Variants in PRDM2 observed in about 807,000 individuals in gnomAD.
PRDM2 encodes PR/SET domain 2.
A neutral mutation model predicts 130.0 loss-of-function variants in PRDM2; 30 were observed. The observed-to-expected ratio is 0.23, with a 90% CI of 0.17 to 0.31. PRDM2 has a LOEUF of 0.31. PRDM2 is among the 10% of genes least tolerant of loss of function. The pLI is 1.00. For missense variants in PRDM2, 2,011 were observed against 2,108.4 expected, an observed-to-expected ratio of 0.95 and a Z score of 0.90; for synonymous variants, 871 against 782.4, an observed-to-expected ratio of 1.11 and a Z score of -1.89.
intron 9 of PRDM2, among the ~76,000 whole-genome samples, chr1:13,817,665 T>G (rs1449712908): frequency 6.6e-6 from 1 of 151,610 alleles, no homozygotes; most frequent in Non-Finnish European, 1.5e-5. Flanking sequence ...CAAATCCCAT[T>G]TACTGGACTA....
intron 1 of PRDM2, among the ~76,000 whole-genome samples, chr1:13,706,805 T>C (rs747861695): frequency 6.6e-6 from 1 of 152,164 alleles, no homozygotes; most frequent in African/African-American, 2.4e-5. Flanking sequence ...AAAGCTTGCA[T>C]GTATGTAGTT....
chr1:13,750,986 A>G (rs1342595324), intron 6 of PRDM2, among the ~76,000 whole-genome samples: 1 of 152,234 alleles, frequency 6.6e-6, no homozygotes, highest in Admixed American at 6.5e-5. Context: ...TTACTGTGCC[A>G]CTAATCATAA....
At chr1:13,810,727 C>T (rs1291969881) in intron 8 of PRDM2, among the ~76,000 whole-genome samples, 1 of 151,968 alleles carries the variant, frequency 6.6e-6, no homozygotes, top group Non-Finnish European at 1.5e-5. Context: ...ATCTCTTGAC[C>T]TCGTGATCCG....
chr1:13,810,736 C>T (rs562786756), intron 8 of PRDM2, among the ~76,000 whole-genome samples: 7 of 151,918 alleles, frequency 4.6e-5, no homozygotes, highest in South Asian at 2.1e-4. Flanking sequence ...CCTCGTGATC[C>T]GCCCGCCTCG....
chr1:13,754,190 T>G (rs1291095073), intron 6 of PRDM2, among the ~76,000 whole-genome samples: 1 of 152,094 alleles, frequency 6.6e-6, no homozygotes, highest in Non-Finnish European at 1.5e-5. Context: ...CCTACATGAG[T>G]ATTTTTGGAT....
chr1:13,780,333 T>C lies in PRDM2; in HGVS notation c.2538T>C (p.Ser846=). ...GCAAGACTCCAGTCCAGTGGGAATC[T>C]GTCTTAGATCTCAGTGTGCATAAAA... ...GTGKTPVQWE[S]VLDLSVHKKH... Residue 846 remains serine (S), a synonymous_variant, in exon 8 of 10, where the codon TCT becomes TCC. Transcript: ENST00000311066. The C allele has an allele frequency of 6.2e-7, 1 of 1,614,202 alleles. No individual in the cohort carries two copies. Among genetic ancestry groups the C allele is most frequent in the Non-Finnish European group, 8.5e-7 (1 of 1,180,052 alleles).
At chr1:13,784,164 C>T (rs948706822) in intron 8 of PRDM2, among the ~76,000 whole-genome samples, 20 of 152,168 alleles carry the variant, frequency 1.3e-4, no homozygotes, top group African/African-American at 4.3e-4. Flanking sequence ...TCTCTGGCCG[C>T]GGCACATACA....
intron 2 of PRDM2, among the ~76,000 whole-genome samples, chr1:13,716,287 C>A (rs1245147132): frequency 7.9e-6 from 1 of 126,778 alleles, no homozygotes; most frequent in Non-Finnish European, 1.6e-5. Flanking sequence ...ACATCACACT[C>A]TGGGGACTGT....
intron 8 of PRDM2, among the ~76,000 whole-genome samples, chr1:13,785,284 T>C (rs1000634226): frequency 6.6e-6 from 1 of 152,184 alleles, no homozygotes; most frequent in Non-Finnish European, 1.5e-5. Context: ...GAATACTCAC[T>C]TTCACTCTGT....
intron 2 of PRDM2, among the ~76,000 whole-genome samples, chr1:13,726,605 G>A (rs1016496477): frequency 6.6e-6 from 1 of 152,178 alleles, no homozygotes; most frequent in Non-Finnish European, 1.5e-5. Flanking sequence ...CTTTCTTTGA[G>A]TTTGAGGTAG....
At chr1:13,759,855 C>CAAT (rs1264679056) in intron 6 of PRDM2, among the ~76,000 whole-genome samples, 1 of 151,994 alleles carries the variant, frequency 6.6e-6, no homozygotes, top group Non-Finnish European at 1.5e-5. Flanking sequence ...GAAAAAGTAT[C>CAAT]AATAATAATA....
intron 8 of PRDM2, among the ~76,000 whole-genome samples, chr1:13,784,810 T>C (rs1165036812): frequency 6.6e-6 from 1 of 152,100 alleles, no homozygotes. Context: ...ATGACAGGCA[T>C]TGGTGGCAGC....
At chr1:13,787,760 TGTTA>T (rs1644771427) in intron 8 of PRDM2, 2 of 983,400 alleles carry the variant, frequency 2.0e-6, no homozygotes, top group African/African-American at 1.7e-5. Flanking sequence ...TGAACTTTGC[TGTTA>T]GTTATTTTAT....
At chr1:13,784,516 T>G (rs1369429793) in intron 8 of PRDM2, among the ~76,000 whole-genome samples, 1 of 152,222 alleles carries the variant, frequency 6.6e-6, no homozygotes, top group Non-Finnish European at 1.5e-5. Flanking sequence ...TTAAAGTTGA[T>G]TTGGAAAAAT....
At chr1:13,794,807 G>A (rs938885640) in intron 8 of PRDM2, among the ~76,000 whole-genome samples, 2 of 152,248 alleles carry the variant, frequency 1.3e-5, no homozygotes, top group African/African-American at 4.8e-5. Flanking sequence ...GACAGCGTGA[G>A]TTGTAGTAGC....
At chr1:13,769,089 C>G in intron 6 of PRDM2, 1 of 969,466 alleles carries the variant, frequency 1.0e-6, no homozygotes, top group Non-Finnish European at 1.2e-6. Flanking sequence ...TTTCACTTCC[C>G]TTGTGTTTCA....
chr1:13,812,115 A>G (rs1249583100), intron 8 of PRDM2, among the ~76,000 whole-genome samples: 1 of 151,582 alleles, frequency 6.6e-6, no homozygotes, highest in Non-Finnish European at 1.5e-5. Flanking sequence ...GTCCTTATAA[A>G]GGCCTCTCTT....
intron 1 of PRDM2, among the ~76,000 whole-genome samples, chr1:13,706,611 T>C (rs1321303673): frequency 1.3e-5 from 2 of 152,228 alleles, no homozygotes; most frequent in African/African-American, 4.8e-5. Context: ...TGCCCATCTG[T>C]TCTGTCCTTG....
chr1:13,755,614 C>G (rs902121352), intron 6 of PRDM2, among the ~76,000 whole-genome samples: 5 of 151,718 alleles, frequency 3.3e-5, no homozygotes, highest in East Asian at 3.9e-4. Context: ...AATATGAACA[C>G]TAGGTTATTT....
Sources: allele counts gnomAD v4.1 joint callset (sites outside exome capture counted in the v4.1 genomes callset), GRCh38; gene constraint gnomAD v4.1.1; transcripts MANE v1.5; gene names NCBI Gene and HGNC (gene_info 2026-07-23, HGNC 2026-07-21).